The following TRHDE variants were observed in gnomAD, a reference collection of about 807,000 sequenced individuals.
The protein encoded by TRHDE is thyrotropin releasing hormone degrading enzyme.
In TRHDE, 72 loss-of-function variants were observed where a neutral mutation model predicts 125.7. The ratio of observed to expected loss-of-function variants is 0.57; its 90% CI spans 0.47 to 0.70. TRHDE has a LOEUF of 0.70. Ranked by LOEUF, TRHDE falls within the 30% of genes least tolerant of loss-of-function variation. The pLI, the probability that TRHDE is intolerant of heterozygous loss-of-function variation, is 0.00. For missense variants in TRHDE, 1,110 were observed against 1,327.1 expected (o/e 0.84, Z 2.54); for synonymous variants, 509 against 509.1 (o/e 1.00, Z 0.00).
chr12:72,306,159 A>G (rs1006209373), intron 2 of TRHDE, among the ~76,000 whole-genome samples: 21 of 152,248 alleles, frequency 1.4e-4, no homozygotes, highest in African/African-American at 4.8e-4. Flanking sequence ...TTATGAGATT[A>G]GATGACTTAA....
At chr12:72,296,433 A>C (rs1249993539) in intron 2 of TRHDE, among the ~76,000 whole-genome samples, 6 of 152,238 alleles carry the variant, frequency 3.9e-5, no homozygotes, top group Non-Finnish European at 4.4e-5. Flanking sequence ...GCAGACTCTG[A>C]GGAGAAATGG....
intron 2 of TRHDE, among the ~76,000 whole-genome samples, chr12:72,291,183 G>A (rs1222565460): frequency 1.3e-5 from 2 of 152,176 alleles, no homozygotes; most frequent in African/African-American, 4.8e-5. Flanking sequence ...CTTGGTCATA[G>A]TTTCTCTCAC....
chr12:72,367,325 T>G (rs1871379499), intron 2 of TRHDE, among the ~76,000 whole-genome samples: 1 of 152,040 alleles, frequency 6.6e-6, no homozygotes, highest in Non-Finnish European at 1.5e-5. Flanking sequence ...TGCCTCAAAC[T>G]CGGCAGTGGC....
intron 3 of TRHDE, among the ~76,000 whole-genome samples, chr12:72,447,655 A>C (rs1358151424): frequency 6.6e-6 from 1 of 152,034 alleles, no homozygotes; most frequent in Non-Finnish European, 1.5e-5. Context: ...TCGGGTATGA[A>C]TACTATTTTT....
intron 2 of TRHDE, among the ~76,000 whole-genome samples, chr12:72,210,169 T>TCTATCTATC (rs1199550202): frequency 3.2e-5 from 4 of 125,140 alleles, no homozygotes; most frequent in Non-Finnish European, 6.6e-5. Context: ...TTCTATAAGA[T>TCTATCTATC]TGATCTATCT....
At chr12:72,646,158 TA>T (rs1377454982) in intron 15 of TRHDE, among the ~76,000 whole-genome samples, 7 of 152,200 alleles carry the variant, frequency 4.6e-5, no homozygotes, top group Non-Finnish European at 1.0e-4. Flanking sequence ...TGAGTATGAC[TA>T]AAATATATTA....
chr12:72,635,149 C>T (rs1481053257), intron 15 of TRHDE, among the ~76,000 whole-genome samples: 23 of 151,338 alleles, frequency 1.5e-4, no homozygotes, highest in Non-Finnish European at 3.1e-4. Context: ...TTCTCCACAT[C>T]CTCTCCAGCA....
chr12:72,380,770 C>G (rs187225884), intron 3 of TRHDE, among the ~76,000 whole-genome samples: 1,232 of 87,166 alleles, frequency 0.014, 18 homozygotes, highest in African/African-American at 0.043. Flanking sequence ...TTCCTTGCTT[C>G]CTTCCTTCCT....
chr12:72,151,155 G>A (rs967017730), intron 2 of TRHDE, among the ~76,000 whole-genome samples: 2 of 152,128 alleles, frequency 1.3e-5, no homozygotes, highest in Non-Finnish European at 2.9e-5. Flanking sequence ...GCCAGTGATG[G>A]TGAGCATTTT....
chr12:72,175,587 G>A (rs1030984702), intron 2 of TRHDE, among the ~76,000 whole-genome samples: 2 of 152,140 alleles, frequency 1.3e-5, no homozygotes, highest in Admixed American at 1.3e-4. Context: ...CATCCAAAGT[G>A]TTACAGCTTC....
At chr12:72,158,965 C>T (rs978602584) in intron 2 of TRHDE, among the ~76,000 whole-genome samples, 6 of 152,216 alleles carry the variant, frequency 3.9e-5, no homozygotes, top group Admixed American at 1.3e-4. Context: ...GAATACCCCT[C>T]TTCTGCCTTA....
At chr12:72,110,615 C>T (rs1401927828) in intron 2 of TRHDE, among the ~76,000 whole-genome samples, 5 of 151,982 alleles carry the variant, frequency 3.3e-5, no homozygotes, top group Admixed American at 1.3e-4. Context: ...TAAACTTTAT[C>T]GAATATCTTA....
intron 2 of TRHDE, among the ~76,000 whole-genome samples, chr12:72,358,045 G>C (rs1007411374): frequency 2.2e-4 from 34 of 151,540 alleles, no homozygotes; most frequent in African/African-American, 7.5e-4. Context: ...GAACACTGCT[G>C]ATTCAATTTT....
intron 2 of TRHDE, among the ~76,000 whole-genome samples, chr12:72,166,906 ACG>A (rs1491288388): frequency 9.8e-6 from 1 of 102,332 alleles, no homozygotes; most frequent in Non-Finnish European, 2.0e-5. Flanking sequence ...AGGTAGATGA[ACG>A]TGTGTGTGTG....
At chr12:72,422,005 A>G (rs1000522614) in intron 3 of TRHDE, among the ~76,000 whole-genome samples, 4 of 152,182 alleles carry the variant, frequency 2.6e-5, no homozygotes, top group African/African-American at 9.7e-5. Flanking sequence ...TAATATTGAC[A>G]TAGAATTATT....
intron 2 of TRHDE, among the ~76,000 whole-genome samples, chr12:72,234,888 A>C (rs2139376362): frequency 6.6e-6 from 1 of 152,304 alleles, no homozygotes; most frequent in Admixed American, 6.5e-5. Context: ...ACATTTATTA[A>C]GTCTTTGCAA....
At chr12:72,434,836 T>C (rs1322186340) in intron 3 of TRHDE, among the ~76,000 whole-genome samples, 1 of 152,192 alleles carries the variant, frequency 6.6e-6, no homozygotes, top group Non-Finnish European at 1.5e-5. Context: ...ATCTCACTAC[T>C]TGTGCTCCTT....
At chr12:72,300,893 G>A (rs1362287506) in intron 2 of TRHDE, among the ~76,000 whole-genome samples, 1 of 152,028 alleles carries the variant, frequency 6.6e-6, no homozygotes, top group Non-Finnish European at 1.5e-5. Flanking sequence ...AAAGTTTCAG[G>A]TTGCCTGACT....
intron 2 of TRHDE, among the ~76,000 whole-genome samples, chr12:72,199,331 C>A (rs184733830): frequency 6.6e-6 from 1 of 152,264 alleles, no homozygotes; most frequent in East Asian, 1.9e-4. Flanking sequence ...GGTCAAGCTG[C>A]ACTCAGCTCT....
Sources: allele counts gnomAD v4.1 joint callset (sites outside exome capture counted in the v4.1 genomes callset), GRCh38; gene constraint gnomAD v4.1.1; transcripts MANE v1.5; gene names NCBI Gene and HGNC (gene_info 2026-07-23, HGNC 2026-07-21).